MAPT: variants seen among roughly 807,000 people sequenced by gnomAD.
MAPT encodes microtubule-associated protein tau.
In MAPT, 34 loss-of-function variants were observed where a neutral mutation model predicts 67.9. The ratio of observed to expected loss-of-function variants is 0.50; its 90% CI spans 0.38 to 0.67. The LOEUF is 0.67. Among genes scored for constraint, MAPT ranks in the 30% least tolerant of loss-of-function variants. The pLI is 0.00. For missense variants in MAPT, 881 were observed against 1,115.2 expected (o/e 0.79, Z 2.99); for synonymous variants, 456 against 464.5 (o/e 0.98, Z 0.23).
At chr17:45,970,074 A>G (rs1346960053) in intron 2 of MAPT, among the ~76,000 whole-genome samples, 1 of 147,116 alleles carries the variant, frequency 6.8e-6, no homozygotes, top group African/African-American at 2.5e-5. Flanking sequence ...CCATCCATTC[A>G]TCTATCCACC....
intron 8 of MAPT, chr17:45,994,068 T>C (rs745941018): frequency 1.2e-4 from 154 of 1,276,586 alleles, no homozygotes; most frequent in Non-Finnish European, 1.6e-4. Context: ...AGGACCCTTT[T>C]CTGCAATGCA....
intron 1 of MAPT, among the ~76,000 whole-genome samples, chr17:45,912,167 G>A (rs1406388890): frequency 6.6e-6 from 1 of 152,200 alleles, no homozygotes; most frequent in African/African-American, 2.4e-5. Context: ...AGGTAGGGCT[G>A]TCAGAATTAG....
chr17:45,899,198 T>C (rs1203652921), intron 1 of MAPT, among the ~76,000 whole-genome samples: 2 of 152,156 alleles, frequency 1.3e-5, no homozygotes, highest in Admixed American at 1.3e-4. Flanking sequence ...TAGAGAGATG[T>C]TTTTGTTTTC....
chr17:46,020,885 G>C (rs531515880), intron 12 of MAPT, among the ~76,000 whole-genome samples: 2 of 152,180 alleles, frequency 1.3e-5, no homozygotes, highest in African/African-American at 4.8e-5. Flanking sequence ...TCCCAGAAAG[G>C]GTATAGGGTC....
Position 45,995,983 on chromosome 17 carries a change from C to T in MAPT, c.1733-416C>T, listed in dbSNP as rs909371812. 7.9e-5 allele frequency among the ~76,000 whole-genome samples: 12 copies of T among 152,194 alleles called. No homozygotes were observed. Among genetic ancestry groups the T allele is most frequent in the Non-Finnish European group, 1.6e-4 (11 of 68,028 alleles). On this transcript the variant is annotated intron_variant, in intron 8 of 12. Coordinates refer to ENST00000262410, the MANE Select transcript of MAPT (RefSeq NM_001377265.1). The surrounding 1 kb of genome is among the most constrained non-coding windows in gnomAD (Gnocchi z 4.3). ...GGTTGGCAAAGCATATCTACCACCT[C>T]CTGGAGCCACGCTGGCCGCAGGGAT...
At chr17:45,977,540 G>C (rs914998844) in intron 3 of MAPT, 1 of 152,188 alleles carries the variant, frequency 6.6e-6, no homozygotes, top group African/African-American at 2.4e-5. Flanking sequence ...ACAGTGTCCT[G>C]TTGTTTATGA....
In MAPT at chr17:45,966,323, A is replaced by G. The variant is rs57081040; in HGVS notation, c.133+3853A>G. ...CTCCAGGAGACCAGGTACGGTAGCT[A>G]ATGCCTATAATCCCAGCACTTCGGA... On this transcript the variant is annotated intron_variant, in intron 2 of 12. Transcript: ENST00000262410. 3.4e-3 allele frequency among the ~76,000 whole-genome samples: 525 copies of G among 152,278 alleles called. 2 individuals carry two copies. Among genetic ancestry groups the G allele is most frequent in the African/African-American group, 0.012 (497 of 41,556 alleles).
At chr17:46,018,834 C>T in intron 12 of MAPT, 104 bp downstream of exon 12, 1 of 850,486 alleles carries the variant, frequency 1.2e-6, no homozygotes, top group Non-Finnish European at 2.0e-6. Flanking sequence ...AAAACAGAGG[C>T]TTCTGTGTTG....
In MAPT at chr17:46,025,216, C is replaced by A. The variant is rs1331113753; in HGVS notation, c.*1045C>A. The A allele has an allele frequency of 6.5e-6, 1 of 152,788 alleles. No individual in the cohort carries two copies. The highest frequency in any genetic ancestry group is 1.5e-5 in the Non-Finnish European group (1 of 68,162). 9.5% of individuals were successfully genotyped at this position (152,788 alleles called of 1,614,324 possible). A position where few individuals can be genotyped will look rare whatever the true frequency, so the allele number is the denominator to read the frequency against. On this transcript the variant is annotated 3_prime_UTR_variant, in exon 13 of 13. Transcript: ENST00000262410. ...ACTTGTGCCTCTTGGGAGACGTCCA[C>A]CCGTTTCCAAGCCTGGGCCACTGGC...
At chr17:45,956,764 A>T (rs946341017) in intron 1 of MAPT, among the ~76,000 whole-genome samples, 1 of 143,746 alleles carries the variant, frequency 7.0e-6, no homozygotes, top group African/African-American at 2.6e-5. Context: ...ACCCCACAAC[A>T]GGCCCCAGTG....
intron 4 of MAPT, chr17:45,979,397 C>T (rs1178911464): frequency 6.6e-6 from 1 of 152,110 alleles, no homozygotes; most frequent in Non-Finnish European, 1.5e-5. Flanking sequence ...TTCTTTTCTC[C>T]CGAGTGATGG....
At position 45,999,325 on chromosome 17, in the gene MAPT, A is replaced by T. The variant is rs1258226845; in HGVS notation, c.1998+2661A>T. On this transcript the variant is annotated intron_variant, in intron 9 of 12. Transcript: ENST00000262410. ...AGTCTCATGCATTTTTGCAGCCCCC[A>T]CAAGACTGTGCAGGTGGCCGGCCCT... The T allele has an allele frequency of 1.9e-6, 3 of 1,613,760 alleles. No individual in the cohort carries two copies. In the African/African-American group the frequency reaches 4.0e-5, roughly 22 times the overall value.
intron 1 of MAPT, chr17:45,908,420 C>G (rs1034961052): frequency 5.3e-5 from 8 of 152,324 alleles, no homozygotes; most frequent in Middle Eastern, 3.4e-3. Flanking sequence ...GGGGCGGTTT[C>G]CCTGAGCAAG....
intron 7 of MAPT, among the ~76,000 whole-genome samples, chr17:45,991,188 G>C (rs1231515952): frequency 6.6e-6 from 1 of 152,218 alleles, no homozygotes; most frequent in East Asian, 1.9e-4. Flanking sequence ...AGCTCTGCTG[G>C]CCTTGGCACA....
chr17:45,926,399 C>T (rs560890309), intron 1 of MAPT, among the ~76,000 whole-genome samples: 1 of 152,076 alleles, frequency 6.6e-6, no homozygotes, highest in East Asian at 1.9e-4. Context: ...AACTTGACCT[C>T]CCGGGCTCAA....
At chr17:45,986,802 G>T (rs1477742497) in intron 5 of MAPT, among the ~76,000 whole-genome samples, 1 of 152,160 alleles carries the variant, frequency 6.6e-6, no homozygotes, top group Admixed American at 6.5e-5. Context: ...TCCCACCCTC[G>T]GCCAGCCTGC....
intron 1 of MAPT, 143 bp from the exon 2 acceptor site, chr17:45,962,178 A>G (rs1048485161): frequency 5.9e-6 from 4 of 674,684 alleles, no homozygotes; most frequent in Admixed American, 2.5e-5. Context: ...CGGGATGAGG[A>G]TGGGCGGCCA....
chr17:46,012,771 C>G (rs768712024), intron 10 of MAPT, among the ~76,000 whole-genome samples: 62 of 150,180 alleles, frequency 4.1e-4, no homozygotes, highest in Non-Finnish European at 5.8e-4. Context: ...CCCCCTCTCA[C>G]GAGTTACCTC....
At chr17:45,950,155 G>T (rs62062799) in intron 1 of MAPT, among the ~76,000 whole-genome samples, 21,797 of 152,124 alleles carry the variant, frequency 0.14, 2,135 homozygotes, top group Non-Finnish European at 0.22. Flanking sequence ...ACCTAGGGTC[G>T]CCATCCTGCC....
Sources: gnomAD v4.1 joint callset for allele counts (sites outside exome capture counted in the v4.1 genomes callset) on GRCh38, gnomAD v4.1.1 for gene constraint, Gnocchi (gnomAD v3.1) non-coding constraint, MANE v1.5 for transcripts, NCBI Gene and HGNC (gene_info 2026-07-23, HGNC 2026-07-21) for gene names.